PBX3: variants seen among roughly 807,000 people sequenced by gnomAD.
PBX3 encodes pre-B-cell leukemia transcription factor 3.
Under a neutral mutation model 48.5 loss-of-function variants are expected in PBX3, and 14 were observed. That is an observed-to-expected ratio of 0.29 (90% CI 0.19 to 0.45). The LOEUF is 0.45. PBX3 is among the 20% of genes least tolerant of loss of function. PBX3 has a pLI of 1.00. For missense variants in PBX3, 386 were observed against 546.7 expected (o/e 0.71, Z 2.93); for synonymous variants, 210 against 200.3 (o/e 1.05, Z -0.41).
chr9:125,780,351 C>T, intron 2 of PBX3, among the ~76,000 whole-genome samples: 1 of 141,618 alleles, frequency 7.1e-6, no homozygotes, highest in African/African-American at 2.7e-5. Flanking sequence ...GACGGGGCGG[C>T]TGGCTGGGCG....
chr9:125,956,747 T>C (rs1842318172), intron 5 of PBX3, among the ~76,000 whole-genome samples: 1 of 152,374 alleles, frequency 6.6e-6, no homozygotes, highest in East Asian at 1.9e-4. Flanking sequence ...TCATGAATCC[T>C]TGATATGCGG....
chr9:125,960,969 T>C (rs1230866770), intron 6 of PBX3, 120 bp downstream of exon 6: 2 of 662,054 alleles, frequency 3.0e-6, no homozygotes, highest in Non-Finnish European at 4.8e-6. Context: ...AAGGAAGATT[T>C]ATGTTCAAAT....
intron 2 of PBX3, among the ~76,000 whole-genome samples, chr9:125,814,407 T>C (rs1838398496): frequency 6.6e-6 from 1 of 152,122 alleles, no homozygotes; most frequent in African/African-American, 2.4e-5. Flanking sequence ...ATCCAAATTG[T>C]TCCAAACTGT....
intron 2 of PBX3, among the ~76,000 whole-genome samples, chr9:125,866,995 G>A (rs1199399358): frequency 6.6e-6 from 1 of 152,122 alleles, no homozygotes; most frequent in Non-Finnish European, 1.5e-5. Context: ...TACTACATAT[G>A]TGTAATTACA....
chr9:125,832,816 A>C (rs1839004530), intron 2 of PBX3, among the ~76,000 whole-genome samples: 1 of 152,092 alleles, frequency 6.6e-6, no homozygotes, highest in Non-Finnish European at 1.5e-5. Context: ...TGCTTCATAT[A>C]GCTGCTGATC....
chr9:125,958,026 C>T (rs771262891), intron 5 of PBX3, among the ~76,000 whole-genome samples: 27 of 152,156 alleles, frequency 1.8e-4, no homozygotes, highest in Non-Finnish European at 3.4e-4. Flanking sequence ...AGAACCCATA[C>T]CTTTATAGTC....
chr9:125,807,231 G>A (rs1365672808), intron 2 of PBX3, among the ~76,000 whole-genome samples: 1 of 152,148 alleles, frequency 6.6e-6, no homozygotes, highest in African/African-American at 2.4e-5. Context: ...GGCTGAGGCA[G>A]GAGAATCACT....
chr9:125,772,805 G>A (rs923156276), intron 2 of PBX3, among the ~76,000 whole-genome samples: 11 of 152,352 alleles, frequency 7.2e-5, no homozygotes, highest in African/African-American at 2.6e-4. Flanking sequence ...GCAGGCCCAA[G>A]CCTATAATCT....
At chr9:125,899,464 G>C (rs1474119868) in intron 2 of PBX3, among the ~76,000 whole-genome samples, 1 of 145,538 alleles carries the variant, frequency 6.9e-6, no homozygotes, top group Non-Finnish European at 1.5e-5. Flanking sequence ...TAGAGAGAGA[G>C]AGAGAGAGAG....
intron 4 of PBX3, among the ~76,000 whole-genome samples, chr9:125,934,000 A>G (rs1841777596): frequency 6.6e-6 from 1 of 152,000 alleles, no homozygotes; most frequent in South Asian, 2.1e-4. Flanking sequence ...TTTTTGGTGC[A>G]TTTGTCTTCG....
At chr9:125,852,350 C>A (rs1839606207) in intron 2 of PBX3, among the ~76,000 whole-genome samples, 1 of 152,126 alleles carries the variant, frequency 6.6e-6, no homozygotes, top group Non-Finnish European at 1.5e-5. Context: ...TAGATCCAGC[C>A]ATTGTCTTAT....
intron 2 of PBX3, among the ~76,000 whole-genome samples, chr9:125,813,637 A>C (rs1490606304): frequency 6.6e-6 from 1 of 152,082 alleles, no homozygotes; most frequent in Non-Finnish European, 1.5e-5. Flanking sequence ...TTGACATGTC[A>C]CCATTATTCT....
chr9:125,889,323 C>A (rs1327034074), intron 2 of PBX3, among the ~76,000 whole-genome samples: 1 of 152,258 alleles, frequency 6.6e-6, no homozygotes, highest in Non-Finnish European at 1.5e-5. Context: ...CTTGCACACG[C>A]ACGGGCCGAG....
intron 2 of PBX3, among the ~76,000 whole-genome samples, chr9:125,883,208 A>G (rs763777048): frequency 2.0e-5 from 3 of 152,238 alleles, no homozygotes; most frequent in Admixed American, 6.5e-5. Context: ...GTAAACTTAG[A>G]TAACTAGAAA....
intron 2 of PBX3, among the ~76,000 whole-genome samples, chr9:125,794,702 T>TG (rs1443163159): frequency 1.3e-5 from 2 of 149,412 alleles, no homozygotes. Flanking sequence ...TCATGGCTGT[T>TG]TTTTTTTTTT....
chr9:125,958,349 C>G (rs534764187), intron 5 of PBX3, among the ~76,000 whole-genome samples: 30 of 152,202 alleles, frequency 2.0e-4, no homozygotes, highest in Non-Finnish European at 4.3e-4. Context: ...CCTCCTGTTG[C>G]CACATCCTAT....
At chr9:125,841,461 C>A (rs1459224692) in intron 2 of PBX3, among the ~76,000 whole-genome samples, 1 of 152,072 alleles carries the variant, frequency 6.6e-6, no homozygotes, top group Non-Finnish European at 1.5e-5. Flanking sequence ...GTGGTAGGCA[C>A]CAGAGAAATG....
At chr9:125,900,237 T>C (rs201752985) in intron 2 of PBX3, among the ~76,000 whole-genome samples, 1 of 54 alleles carries the variant, frequency 0.019, no homozygotes. Context: ...CATCCCGCCC[T>C]TTTTTTTTTT....
intron 2 of PBX3, among the ~76,000 whole-genome samples, chr9:125,860,215 A>C (rs1056692054): frequency 3.3e-5 from 5 of 152,196 alleles, no homozygotes; most frequent in Admixed American, 2.6e-4. Flanking sequence ...AAGTAAAGCA[A>C]CTTCTGGATG....
Sources: allele counts gnomAD v4.1 joint callset (sites outside exome capture counted in the v4.1 genomes callset), GRCh38; gene constraint gnomAD v4.1.1; transcripts MANE v1.5; gene names NCBI Gene and HGNC (gene_info 2026-07-23, HGNC 2026-07-21).